Variants in FRMD8 observed in about 807,000 individuals in gnomAD.
The protein encoded by FRMD8 is FERM domain containing 8, also known as FERM domain-containing protein 8.
A neutral mutation model predicts 54.2 loss-of-function variants in FRMD8; 37 were observed. The ratio of observed to expected loss-of-function variants is 0.68; its 90% CI spans 0.53 to 0.90. The LOEUF is 0.90. Ranked by LOEUF, FRMD8 falls within the 40% of genes least tolerant of loss-of-function variation. The pLI is 0.00. For synonymous variants in FRMD8, 246 were observed against 286.9 expected, an observed-to-expected ratio of 0.86 and a Z score of 1.44; for missense variants, 585 against 653.7, an observed-to-expected ratio of 0.89 and a Z score of 1.15.
chr11:65,374,305 C>T, the FRMD8 span, among the ~76,000 whole-genome samples: 4 of 145,260 alleles, frequency 2.8e-5, no homozygotes, highest in South Asian at 8.8e-4. Context: ...GCAGAAGACC[C>T]CCATGTGCCC....
At chr11:65,377,184 C>T in the FRMD8 span, 1 of 1,465,432 alleles carries the variant, frequency 6.8e-7, no homozygotes, top group Non-Finnish European at 9.0e-7. Context: ...CTTCCAGTCC[C>T]TCAGGAACCC....
In FRMD8 at chr11:65,400,728, T is replaced by G. The variant is rs772996528; in HGVS notation, c.932T>G (p.Val311Gly). 4 of 1,588,870 alleles carry G rather than the reference T, an allele frequency of 2.5e-6. No individual in the cohort carries two copies. Among genetic ancestry groups the G allele is most frequent in the Non-Finnish European group, 3.4e-6 (4 of 1,169,120 alleles). The change falls in exon 9 of 11, where the codon GTC becomes GGC. Residue 311 changes from valine to glycine, a missense_variant. Physicochemically the swap from Val to Gly is moderately radical, Grantham distance 109. Coordinates refer to ENST00000317568, the MANE Select transcript of FRMD8 (RefSeq NM_031904.5). This position sits in a 1 kb window ranked among gnomAD's most constrained non-coding sequence, Gnocchi z 4.3. ...VHVIDSREKH[V>G]LLGLRFQELS... The stretch of plus-strand genomic sequence containing the variant: ...TCTGTGTCTCCTGCTGGCCAGCATG[T>G]CCTGCTGGGCCTGCGCTTCCAGGAG...
Position 65,394,033 on chromosome 11 carries a change from C to G in FRMD8, c.356-8C>G. 1 of 1,614,108 alleles carries G rather than the reference C, an allele frequency of 6.2e-7. No homozygotes were observed. The highest frequency in any genetic ancestry group is 1.3e-5 in the African/African-American group (1 of 75,056). On this transcript the variant is annotated splice_polypyrimidine_tract_variant and splice_region_variant and intron_variant, in intron 4 of 10. Transcript: ENST00000317568. ...GATGCCCGGCAGTGACCCAGCCTCTCTCCCCAGATGAGCCTTTCCTGCAGT... is the reference window on the plus strand; with the variant it reads ...GATGCCCGGCAGTGACCCAGCCTCTGTCCCCAGATGAGCCTTTCCTGCAGT...
intron 2 of FRMD8, among the ~76,000 whole-genome samples, chr11:65,387,471 C>T (rs1855756562): frequency 6.6e-6 from 1 of 152,058 alleles, no homozygotes; most frequent in African/African-American, 2.4e-5. Context: ...TCGAGACCAG[C>T]CTGGGCAACA....
chr11:65,394,234 C>T (rs1328771231), intron 5 of FRMD8, 25 bp from the exon 6 acceptor site: 1 of 1,594,746 alleles, frequency 6.3e-7, no homozygotes, highest in East Asian at 2.3e-5. Flanking sequence ...AGCTGAGCGG[C>T]TGTCCCTGCC....
At chr11:65,371,350 A>G in the FRMD8 span, among the ~76,000 whole-genome samples, 2 of 152,090 alleles carry the variant, frequency 1.3e-5, no homozygotes, top group African/African-American at 2.4e-5. Flanking sequence ...GGTCATTGCT[A>G]AAAAAAGAAG....
chr11:65,393,481 G>A (rs1855881568), intron 3 of FRMD8, 92 bp from the exon 4 acceptor site: 2 of 907,430 alleles, frequency 2.2e-6, no homozygotes, highest in East Asian at 2.5e-5. Flanking sequence ...TATTGGTTGC[G>A]ACTGTCGTCA....
chr11:65,382,863 T>A (rs1855643313), upstream of FRMD8: 1 of 152,230 alleles, frequency 6.6e-6, no homozygotes, highest in African/African-American at 2.4e-5. This position sits in a 1 kb window ranked among gnomAD's most constrained non-coding sequence, Gnocchi z 4.4. Context: ...GGCTCAAATG[T>A]CACCACCTGG....
At chr11:65,405,842 T>G (rs1339353609) in intron 10 of FRMD8, among the ~76,000 whole-genome samples, 1 of 151,508 alleles carries the variant, frequency 6.6e-6, no homozygotes, top group African/African-American at 2.4e-5. Context: ...CTCTACAAAA[T>G]ATACTTAAAC....
In FRMD8 at chr11:65,394,086, G is replaced by T. The variant is rs760568242; in HGVS notation, c.401G>T (p.Arg134Leu). The T allele has an allele frequency of 2.5e-6, 4 of 1,614,050 alleles. No homozygotes were observed. Among genetic ancestry groups the T allele is most frequent in the Non-Finnish European group, 3.4e-6 (4 of 1,179,958 alleles). ...CGAAGGAACGTGTTCTTCCCAAAGC[G>T]GCGGGAGCTCCAGGTGAGGCAGGAG... ...QFRRNVFFPK[R>L]RELQIHDEEV... The change falls in exon 5 of 11, where the codon CGG becomes CTG. Residue 134 changes from arginine to leucine, a missense_variant. By Grantham distance (102) the Arg-to-Leu change is moderately radical. Transcript: ENST00000317568.
upstream of FRMD8, among the ~76,000 whole-genome samples, chr11:65,385,743 C>A (rs1376510289): frequency 6.6e-6 from 1 of 151,998 alleles, no homozygotes; most frequent in Non-Finnish European, 1.5e-5. Flanking sequence ...CATGTCACTG[C>A]TCCCTGGAAA....
Position 65,400,934 on chromosome 11 carries a change from T to G in FRMD8, c.1071+67T>G. The G allele has an allele frequency of 6.7e-7, 1 of 1,494,878 alleles. No homozygotes were observed. The highest frequency in any genetic ancestry group is 9.0e-7 in the Non-Finnish European group (1 of 1,114,706). The allele number at this position is 1,494,878 out of a possible 1,614,324, so 92.6% of individuals were successfully genotyped here. A position where few individuals can be genotyped will look rare whatever the true frequency, so the allele number is the denominator to read the frequency against. On this transcript the variant is annotated intron_variant, in intron 9 of 10. Coordinates refer to ENST00000317568, the MANE Select transcript of FRMD8 (RefSeq NM_031904.5). This position sits in a 1 kb window ranked among gnomAD's most constrained non-coding sequence, Gnocchi z 4.3. The stretch of plus-strand genomic sequence containing the variant: ...CCAGGTGCCCTGGGTCCCAGACAAT[T>G]AGAGGCACCAGGCTGGCGGGCAAGG...
chr11:65,408,787 C>A (rs1002034338), intron 10 of FRMD8, among the ~76,000 whole-genome samples: 1 of 151,804 alleles, frequency 6.6e-6, no homozygotes, highest in Non-Finnish European at 1.5e-5. Context: ...TTTTTAAATT[C>A]TTTGTCAAGG....
intron 9 of FRMD8, among the ~76,000 whole-genome samples, chr11:65,403,743 G>C (rs1468117728): frequency 1.3e-5 from 2 of 152,200 alleles, no homozygotes; most frequent in African/African-American, 4.8e-5. Context: ...TCTGACGCTG[G>C]CTTGCTGAGT....
rs1436124637 is a variant in FRMD8, at chr11:65,412,418, G to A, written c.*1058G>A. ...CTGGCGCATGCCCAGGAAAGCCTGG[G>A]CCACACGGGACACTCTCTTCTTTAT... On this transcript the variant is annotated 3_prime_UTR_variant, in exon 11 of 11. Coordinates refer to ENST00000317568, the MANE Select transcript of FRMD8 (RefSeq NM_031904.5). 1 of 152,318 alleles carries A rather than the reference G, an allele frequency of 6.6e-6. No homozygotes were observed. Among genetic ancestry groups the A allele is most frequent in the African/African-American group, 2.4e-5 (1 of 41,474 alleles). 9.4% of individuals were successfully genotyped at this position (152,318 alleles called of 1,614,324 possible).
At chr11:65,382,051 T>C, upstream of FRMD8, 1 of 1,058,674 alleles carries the variant, frequency 9.4e-7, no homozygotes, top group Non-Finnish European at 1.5e-6. This position sits in a 1 kb window ranked among gnomAD's most constrained non-coding sequence, Gnocchi z 4.4. Flanking sequence ...CCACTAATGT[T>C]TAACCCTGGC....
intron 3 of FRMD8, among the ~76,000 whole-genome samples, chr11:65,393,317 G>T (rs1462159960): frequency 6.6e-6 from 1 of 152,226 alleles, no homozygotes; most frequent in African/African-American, 2.4e-5. Flanking sequence ...ACACTTAGTG[G>T]CTGGCTCTGC....
At chr11:65,402,341 G>A (rs1010530447) in intron 9 of FRMD8, among the ~76,000 whole-genome samples, 5 of 150,934 alleles carry the variant, frequency 3.3e-5, no homozygotes, top group African/African-American at 9.8e-5. Context: ...GCAACAGAGT[G>A]AGACTCTGTC....
At chr11:65,407,236 T>C (rs7128219) in intron 10 of FRMD8, among the ~76,000 whole-genome samples, 45 of 2,286 alleles carry the variant, frequency 0.02, no homozygotes, top group Middle Eastern at 0.33. Flanking sequence ...TACATTTATT[T>C]ATTTATTTAT....
Sources: gnomAD v4.1 joint callset for allele counts (sites outside exome capture counted in the v4.1 genomes callset) on GRCh38, gnomAD v4.1.1 for gene constraint, Gnocchi (gnomAD v3.1) non-coding constraint, MANE v1.5 for transcripts, NCBI Gene and HGNC (gene_info 2026-07-23, HGNC 2026-07-21) for gene names.